Variants in RSRP1 observed in about 807,000 individuals in gnomAD.
RSRP1 encodes the protein arginine/serine-rich protein 1.
RSRP1 carries 37 observed loss-of-function variants against 33.0 expected under a neutral mutation model. The ratio of observed to expected loss-of-function variants is 1.12; its 90% CI spans 0.86 to 1.48. RSRP1 has a LOEUF of 1.48. RSRP1 is among the 40% of genes most tolerant of loss of function. The pLI, the probability that RSRP1 is intolerant of heterozygous loss-of-function variation, is 0.00. For synonymous variants in RSRP1, 167 were observed against 158.7 expected, an observed-to-expected ratio of 1.05 and a Z score of -0.40; for missense variants, 402 against 385.3, an observed-to-expected ratio of 1.04 and a Z score of -0.36.
At position 25,318,520 on chromosome 1, in the gene RSRP1, G is replaced by A. The variant is rs1323587144; in HGVS notation, c.-67+19458C>T. 3.8e-5 allele frequency among the ~76,000 whole-genome samples: 5 copies of A among 131,702 alleles called. 2 individuals carry two copies. Among genetic ancestry groups the A allele is most frequent in the Admixed American group, 3.0e-4 (4 of 13,544 alleles). 86.4% of individuals were successfully genotyped at this position (131,702 alleles called of 152,430 possible). ...GGGGAATGGCTTGACCCCAGGAGGT[G>A]GAGGTTATAGTGAGTCGAGGTTGCA... On this transcript the variant is annotated intron_variant, in intron 1 of 1. Transcript: ENST00000561867.
chr1:25,242,605 A>G lies in RSRP1; in HGVS notation c.857T>C (p.Leu286Pro). The G allele has an allele frequency of 6.2e-7, 1 of 1,606,602 alleles. No individual in the cohort carries two copies. Among genetic ancestry groups the G allele is most frequent in the Non-Finnish European group, 8.5e-7 (1 of 1,175,400 alleles). The part of the protein sequence containing the change: ...KIDQKKSPYG[L>P]WIPI The stretch of plus-strand genomic sequence containing the variant: ...TTTCTTCTTTTAGATAGGTATCCAC[A>G]GTCCATATGGACTTTTTTTCTGATC... Residue 286 changes from leucine to proline, a missense_variant, in exon 5 of 5, where the codon CTG becomes CCG. By Grantham distance (98) the Leu-to-Pro change is moderately conservative. Coordinates refer to ENST00000243189, the MANE Select transcript of RSRP1 (RefSeq NM_020317.5).
upstream of RSRP1, chr1:25,247,663 G>A (rs1336360631): frequency 6.6e-6 from 1 of 152,284 alleles, no homozygotes; most frequent in Non-Finnish European, 1.5e-5. Context: ...ATACATCAGG[G>A]TGTCCCGTTG....
intron 1 of RSRP1, among the ~76,000 whole-genome samples, chr1:25,321,619 G>A (rs1333681230): frequency 7.9e-6 from 1 of 126,124 alleles, no homozygotes; most frequent in East Asian, 2.0e-4. Flanking sequence ...GCAGTGAGCC[G>A]AGATCACGCC....
intron 1 of RSRP1, among the ~76,000 whole-genome samples, chr1:25,280,384 C>A (rs1641375958): frequency 8.0e-6 from 1 of 125,494 alleles, no homozygotes; most frequent in East Asian, 2.0e-4. Flanking sequence ...CGGCTCACTG[C>A]AACCTCAGCC....
intron 1 of RSRP1, among the ~76,000 whole-genome samples, chr1:25,302,250 G>A (rs59449913): frequency 0.021 from 2,783 of 129,670 alleles, 378 homozygotes; most frequent in African/African-American, 0.07. Context: ...AAAGAGAGAC[G>A]ATGGTGTGTG....
rs1001025697 is a variant in RSRP1 at position 25,242,455 on chromosome 1, A to G, written c.*134T>C. On this transcript the variant is annotated 3_prime_UTR_variant, in exon 5 of 5. Coordinates refer to ENST00000243189, the MANE Select transcript of RSRP1 (RefSeq NM_020317.5). Reference sequence around the variant, plus strand: ...AAATGTTAATATTTGAGTGTTAAGTATTTACATCTTTTTGTGTTGGTTTTT... The same window carrying G: ...AAATGTTAATATTTGAGTGTTAAGTGTTTACATCTTTTTGTGTTGGTTTTT... 1.1e-5 allele frequency: 7 copies of G among 614,232 alleles called. No homozygotes were observed. The highest frequency in any genetic ancestry group is 7.9e-5 in the Admixed American group (3 of 38,156). 38.0% of individuals were successfully genotyped at this position (614,232 alleles called of 1,614,324 possible). A position where few individuals can be genotyped will look rare whatever the true frequency, so the allele number is the denominator to read the frequency against.
intron 1 of RSRP1, among the ~76,000 whole-genome samples, chr1:25,320,002 G>A: frequency 7.6e-6 from 1 of 131,416 alleles, no homozygotes; most frequent in East Asian, 2.0e-4. Context: ...GGGTTCAAGT[G>A]ATTCTCCTGC....
chr1:25,268,757 G>T (rs1321198443), intron 1 of RSRP1, among the ~76,000 whole-genome samples: 1 of 128,512 alleles, frequency 7.8e-6, no homozygotes, highest in East Asian at 2.0e-4. Context: ...AGACCAGCCT[G>T]GCCAACCTGG....
At position 25,329,130 on chromosome 1, in the gene RSRP1, A is replaced by G. The variant is rs1352276170; in HGVS notation, c.-67+8848T>C. 1.7e-6 allele frequency: 2 copies of G among 1,160,000 alleles called. 1 individual carries two copies. The highest frequency in any genetic ancestry group is 2.5e-6 in the Non-Finnish European group (2 of 803,836). 71.9% of individuals were successfully genotyped at this position (1,160,000 alleles called of 1,614,324 possible). A position where few individuals can be genotyped will look rare whatever the true frequency, so the allele number is the denominator to read the frequency against. ...CATTTATTATGCACTGTAGAATACA[A>G]CAATAAAATACAGCCATGTACCACA... On this transcript the variant is annotated intron_variant, in intron 1 of 1. Transcript: ENST00000561867.
In RSRP1 at chr1:25,299,211, G is replaced by A. The variant is rs1381079097; in HGVS notation, c.-67+38767C>T. On this transcript the variant is annotated intron_variant, in intron 1 of 1. Coordinates refer to the RSRP1 transcript ENST00000561867. ...AGGCTGGGGAACATGGTGAAACCCC[G>A]TCTCTACTAAAAATACAAAAATTAG... is the stretch of plus-strand genomic sequence containing the variant. Among the ~76,000 whole-genome samples, 11 of 127,760 alleles carry A rather than the reference G, an allele frequency of 8.6e-5. 1 individual carries two copies. Among genetic ancestry groups the A allele is most frequent in the African/African-American group, 3.0e-4 (11 of 37,248 alleles). The allele number at this position is 127,760 out of a possible 152,430, so 83.8% of individuals were successfully genotyped here.
rs756369498 is a variant in RSRP1, at chr1:25,280,678, C to T, written c.-66-33649G>A. 1.8e-4 allele frequency among the ~76,000 whole-genome samples: 22 copies of T among 122,662 alleles called. 2 individuals carry two copies. Among genetic ancestry groups the T allele is most frequent in the African/African-American group, 4.5e-4 (16 of 35,830 alleles). 80.5% of individuals were successfully genotyped at this position (122,662 alleles called of 152,430 possible). A position where few individuals can be genotyped will look rare whatever the true frequency, so the allele number is the denominator to read the frequency against. On this transcript the variant is annotated intron_variant, in intron 1 of 1. Coordinates refer to the RSRP1 transcript ENST00000561867. ...GGCTGCTGGAGTGTAGTGGTGTGAC[C>T]GCAGCTCACTGCAGCCTTAACCTTC...
intron 1 of RSRP1, among the ~76,000 whole-genome samples, chr1:25,300,242 G>A (rs1355295632): frequency 7.6e-6 from 1 of 131,206 alleles, no homozygotes; most frequent in Non-Finnish European, 1.8e-5. Context: ...CTGATAGGCC[G>A]GGTGTGGTGG....
At chr1:25,324,088 C>T (rs1217359074) in intron 1 of RSRP1, among the ~76,000 whole-genome samples, 3 of 63,664 alleles carry the variant, frequency 4.7e-5, no homozygotes, top group Admixed American at 1.8e-4. Context: ...ACAGCACAAA[C>T]AGGAGAAATC....
chr1:25,306,985 T>C lies in RSRP1; in HGVS notation c.-67+30993A>G, dbSNP rs657148. On this transcript the variant is annotated intron_variant, in intron 1 of 1. Coordinates refer to the RSRP1 transcript ENST00000561867. The stretch of plus-strand genomic sequence containing the variant: ...ACCAAAGACACGAAATCTTTTGTGA[T>C]CCCACAAACACAGAGCAGGTCAAAT... 40 of 434,220 alleles carry C rather than the reference T, an allele frequency of 9.2e-5. 8 individuals are homozygous for C. Among genetic ancestry groups the C allele is most frequent in the Non-Finnish European group, 1.6e-4 (34 of 211,688 alleles). 26.9% of individuals were successfully genotyped at this position (434,220 alleles called of 1,614,324 possible). A position where few individuals can be genotyped will look rare whatever the true frequency, so the allele number is the denominator to read the frequency against.
Position 25,278,864 on chromosome 1 carries a change from C to T in RSRP1, c.-66-31835G>A, listed in dbSNP as rs1350744403. ...CCCAGGCTGCTGGAGGGGTGAGAGT[C>T]GCCGGTAGAGTAGAGGCTGTGGGCG... is the stretch of plus-strand genomic sequence containing the variant. On this transcript the variant is annotated intron_variant, in intron 1 of 1. Transcript: ENST00000561867. Among the ~76,000 whole-genome samples, 4 of 128,462 alleles carry T rather than the reference C, an allele frequency of 3.1e-5. No homozygotes were observed. In the East Asian group the frequency reaches 7.9e-4, roughly 25 times the overall value. The allele number at this position is 128,462 out of a possible 152,430, so 84.3% of individuals were successfully genotyped here.
upstream of RSRP1, among the ~76,000 whole-genome samples, chr1:25,249,658 A>G (rs1639715450): frequency 6.6e-6 from 1 of 152,216 alleles, no homozygotes; most frequent in South Asian, 2.1e-4. Flanking sequence ...GGATATTAAC[A>G]GGATTTTGGA....
At chr1:25,290,028 G>A (rs1642353279) in intron 1 of RSRP1, among the ~76,000 whole-genome samples, 1 of 125,256 alleles carries the variant, frequency 8.0e-6, no homozygotes, top group Non-Finnish European at 1.9e-5. Context: ...CACCAACATG[G>A]GATACGTTTG....
At position 25,299,516 on chromosome 1, in the gene RSRP1, C is replaced by T. The variant is rs1346335825; in HGVS notation, c.-67+38462G>A. On this transcript the variant is annotated intron_variant, in intron 1 of 1. Coordinates refer to the RSRP1 transcript ENST00000561867. Reference sequence around the variant, plus strand: ...GGTGGACTACTCCCTCCACCCTGCCCTTGTTACACCCTGGCTGGGGGTCAG... The same window carrying T: ...GGTGGACTACTCCCTCCACCCTGCCTTTGTTACACCCTGGCTGGGGGTCAG... 1.5e-5 allele frequency among the ~76,000 whole-genome samples: 2 copies of T among 131,854 alleles called. 1 individual carries two copies. Among genetic ancestry groups the T allele is most frequent in the Non-Finnish European group, 3.6e-5 (2 of 55,810 alleles). 86.5% of individuals were successfully genotyped at this position (131,854 alleles called of 152,430 possible).
At position 25,301,389 on chromosome 1, in the gene RSRP1, G is replaced by C. The variant is rs1342910256; in HGVS notation, c.-67+36589C>G. Reference sequence around the variant, plus strand: ...GCTTGAGAGCTCGGAGGGGAGACGTGACTTCCCCATCTAACTCTAAGTGAC... The same window carrying C: ...GCTTGAGAGCTCGGAGGGGAGACGTCACTTCCCCATCTAACTCTAAGTGAC... On this transcript the variant is annotated intron_variant, in intron 1 of 1. Coordinates refer to the RSRP1 transcript ENST00000561867. 4 of 903,238 alleles carry C rather than the reference G, an allele frequency of 4.4e-6. 1 individual carries two copies. The African/African-American group carries it at 6.7e-5, about 15-fold the overall frequency. 56.0% of individuals were successfully genotyped at this position (903,238 alleles called of 1,614,324 possible). A position where few individuals can be genotyped will look rare whatever the true frequency, so the allele number is the denominator to read the frequency against.
Sources: allele counts gnomAD v4.1 joint callset (sites outside exome capture counted in the v4.1 genomes callset), GRCh38; gene constraint gnomAD v4.1.1; transcripts MANE v1.5; gene names NCBI Gene and HGNC (gene_info 2026-07-23, HGNC 2026-07-21).